AP2A2: variants seen among roughly 807,000 people sequenced by gnomAD.
AP2A2 encodes AP-2 complex subunit alpha-2.
A neutral mutation model predicts 104.2 loss-of-function variants in AP2A2; 32 were observed. That is an observed-to-expected ratio of 0.31 (90% CI 0.23 to 0.41). The LOEUF is 0.41. Ranked by LOEUF, AP2A2 falls within the 10% of genes least tolerant of loss-of-function variation. The probability of loss-of-function intolerance (pLI) is 1.00; values close to 1 mark genes in which losing one functional copy is unlikely to be tolerated. For missense variants in AP2A2, 912 were observed against 1,261.0 expected (o/e 0.72, Z 4.19); for synonymous variants, 539 against 533.3 (o/e 1.01, Z -0.15).
chr11:993,568 C>T lies in AP2A2; in HGVS notation c.1551-186C>T, dbSNP rs562676093. ...CAGGGATTCTAGTAGAAAATGGAGA[C>T]GTGGGGTTGATGGCTGACTTAGTGA... is the stretch of plus-strand genomic sequence containing the variant. On this transcript the variant is annotated intron_variant, in intron 12 of 21. Coordinates refer to ENST00000448903, the MANE Select transcript of AP2A2 (RefSeq NM_012305.4). This position sits in a 1 kb window ranked among gnomAD's most constrained non-coding sequence, Gnocchi z 8.2. Among the ~76,000 whole-genome samples, 5 of 152,012 alleles carry T rather than the reference C, an allele frequency of 3.3e-5. No individual in the cohort carries two copies. Among genetic ancestry groups the T allele is most frequent in the African/African-American group, 4.8e-5 (2 of 41,398 alleles).
intron 16 of AP2A2, among the ~76,000 whole-genome samples, 172 bp from the exon 17 acceptor site, chr11:1,006,356 G>A (rs1388676647): frequency 6.6e-6 from 1 of 152,222 alleles, no homozygotes; most frequent in Non-Finnish European, 1.5e-5. Flanking sequence ...CAGCACTGGT[G>A]TGCTCGTTCT....
intron 1 of AP2A2, among the ~76,000 whole-genome samples, chr11:953,602 CCCTGGCTCCGT>C (rs1225931439): frequency 4.8e-5 from 7 of 147,094 alleles, no homozygotes; most frequent in Non-Finnish European, 1.1e-4. Flanking sequence ...AGTTGGAAGT[CCCTGGCTCCGT>C]CCTGGCTCCG....
intron 10 of AP2A2, among the ~76,000 whole-genome samples, chr11:990,389 TGTG>T (rs1197889592): frequency 5.9e-5 from 9 of 152,150 alleles, no homozygotes; most frequent in Admixed American, 1.3e-4. Flanking sequence ...TGTCAGCACT[TGTG>T]GTGGGGTGGG....
At chr11:984,858 C>T (rs1360124184) in intron 7 of AP2A2, 105 bp downstream of exon 7, 2 of 997,074 alleles carry the variant, frequency 2.0e-6, no homozygotes, top group Non-Finnish European at 3.1e-6. Flanking sequence ...GTTACTAGCC[C>T]TGTCTCTTGA....
intron 1 of AP2A2, among the ~76,000 whole-genome samples, chr11:943,928 C>T (rs1221206407): frequency 1.4e-5 from 2 of 145,494 alleles, no homozygotes; most frequent in African/African-American, 5.2e-5. Flanking sequence ...TAAGAGAGTC[C>T]CGACCGGAGA....
intron 1 of AP2A2, chr11:940,956 C>T (rs1853625598): frequency 1.3e-5 from 6 of 455,974 alleles, no homozygotes; most frequent in South Asian, 4.6e-5. Context: ...TCTCACCCCT[C>T]GGGGAGTCTG....
chr11:973,365 G>A (rs2134633603), intron 4 of AP2A2, among the ~76,000 whole-genome samples: 1 of 152,290 alleles, frequency 6.6e-6, no homozygotes, highest in African/African-American at 2.4e-5. Context: ...CCTTCTATCA[G>A]CTGTGAGGTG....
chr11:931,836 C>G (rs1287077475), intron 1 of AP2A2, among the ~76,000 whole-genome samples: 2 of 149,410 alleles, frequency 1.3e-5, no homozygotes, highest in Non-Finnish European at 1.5e-5. Flanking sequence ...CAGAGTCTCC[C>G]TCTGTCACCC....
chr11:929,220 G>C (rs149169097), intron 1 of AP2A2, among the ~76,000 whole-genome samples: 273 of 152,284 alleles, frequency 1.8e-3, no homozygotes, highest in African/African-American at 6.3e-3. Flanking sequence ...AGGGGTCCCC[G>C]CTTCCCCTTT....
intron 15 of AP2A2, among the ~76,000 whole-genome samples, chr11:1,003,225 AG>A (rs1440822814): frequency 3.3e-5 from 5 of 152,176 alleles, no homozygotes; most frequent in Admixed American, 6.5e-5. Flanking sequence ...GAGAGGCCAG[AG>A]GGGAGATGGG....
chr11:926,110 G>A (rs1198173576), intron 1 of AP2A2, 22 bp downstream of exon 1: 3 of 1,257,050 alleles, frequency 2.4e-6, no homozygotes, highest in Non-Finnish European at 3.0e-6. Context: ...GGGCGGCGTG[G>A]GGCCGGGGCC....
At chr11:932,697 T>C (rs1231775847) in intron 1 of AP2A2, 1 of 456,184 alleles carries the variant, frequency 2.2e-6, no homozygotes, top group South Asian at 1.5e-5. Context: ...CGGGTTGAAT[T>C]TTTCTTGCCA....
chr11:953,456 C>T (rs1052192916), intron 1 of AP2A2, among the ~76,000 whole-genome samples: 13 of 152,220 alleles, frequency 8.5e-5, no homozygotes, highest in Admixed American at 2.6e-4. Flanking sequence ...TGAGCCACTG[C>T]GCCTAGCCTG....
At chr11:947,538 C>G (rs12806389) in intron 1 of AP2A2, among the ~76,000 whole-genome samples, 94,268 of 151,650 alleles carry the variant, frequency 0.62, 29,748 homozygotes, top group Middle Eastern at 0.74. Context: ...GCTCACACCT[C>G]TAATCCCAGC....
chr11:936,916 T>A (rs1488644427), intron 1 of AP2A2, among the ~76,000 whole-genome samples: 2 of 152,080 alleles, frequency 1.3e-5, no homozygotes. Context: ...TTTGATGTGG[T>A]TTTTCCTCCG....
chr11:970,413 C>A, intron 3 of AP2A2, 102 bp downstream of exon 3: 2 of 1,446,068 alleles, frequency 1.4e-6, no homozygotes, highest in Non-Finnish European at 1.9e-6. Flanking sequence ...CTGCCCACAG[C>A]TGACGTGAGC....
rs369564159 is a variant in AP2A2, at chr11:993,423, G to A, written c.1550+42G>A. On this transcript the variant is annotated intron_variant, in intron 12 of 21. Transcript: ENST00000448903. This position sits in a 1 kb window ranked among gnomAD's most constrained non-coding sequence, Gnocchi z 8.2. ...GAGTCGGGGCTGTGTGCGCTCCGGC[G>A]GGCCTCTCGGTGGTCGGTGGCAAGA... is the stretch of plus-strand genomic sequence containing the variant. 4.0e-6 allele frequency: 6 copies of A among 1,491,282 alleles called. No homozygotes were observed. Among genetic ancestry groups the A allele is most frequent in the East Asian group, 2.4e-5 (1 of 41,454 alleles). 92.4% of individuals were successfully genotyped at this position (1,491,282 alleles called of 1,614,324 possible).
intron 1 of AP2A2, among the ~76,000 whole-genome samples, chr11:951,464 T>A (rs1472841700): frequency 6.6e-6 from 1 of 151,720 alleles, no homozygotes; most frequent in Non-Finnish European, 1.5e-5. Flanking sequence ...GAGGTGGAGG[T>A]TGCAGTGAGC....
chr11:940,637 C>A (rs1393688860), intron 1 of AP2A2: 7 of 353,622 alleles, frequency 2.0e-5, no homozygotes, highest in Non-Finnish European at 3.3e-5. Context: ...AAAGGTGTTT[C>A]CTTTGGCGTT....
Sources: allele counts gnomAD v4.1 joint callset (sites outside exome capture counted in the v4.1 genomes callset), GRCh38; gene constraint gnomAD v4.1.1; non-coding constraint Gnocchi (gnomAD v3.1); transcripts MANE v1.5; gene names NCBI Gene and HGNC (gene_info 2026-07-23, HGNC 2026-07-21).